The following PPP2R3B variants were observed in gnomAD, a reference collection of about 807,000 sequenced individuals.
PPP2R3B encodes protein phosphatase 2 regulatory subunit B''beta, also known as serine/threonine-protein phosphatase 2A regulatory subunit B'' subunit beta.
A neutral mutation model predicts 72.9 loss-of-function variants in PPP2R3B; 68 were observed. That is an observed-to-expected ratio of 0.93 (90% CI 0.77 to 1.14). The LOEUF (loss-of-function observed/expected upper bound fraction) is 1.14, where lower values mean the gene tolerates loss of function less well. Ranked by LOEUF, PPP2R3B falls within the 50% of genes most tolerant of loss-of-function variation. The pLI, the probability that PPP2R3B is intolerant of heterozygous loss-of-function variation, is 0.00. For synonymous variants in PPP2R3B, 466 were observed against 375.8 expected (o/e 1.24, Z -2.78); for missense variants, 1,018 against 842.0 (o/e 1.21, Z -2.59).
chrX:362,095 A>C (rs1178453967), intron 1 of PPP2R3B, among the ~76,000 whole-genome samples: 4 of 152,104 alleles, frequency 2.6e-5, no homozygotes, highest in Non-Finnish European at 4.4e-5. Context: ...GAGGCAGGGC[A>C]GGCAACCACA....
intron 2 of PPP2R3B, among the ~76,000 whole-genome samples, chrX:353,759 A>G (rs1309761350): frequency 5.3e-5 from 8 of 150,762 alleles, no homozygotes; most frequent in African/African-American, 1.7e-4. Context: ...GCTCACCCAA[A>G]GACCGGGGGC....
chrX:386,233 G>T, intron 1 of PPP2R3B, 135 bp downstream of exon 1: 2 of 568,728 alleles, frequency 3.5e-6, no homozygotes, highest in Non-Finnish European at 5.2e-6. Flanking sequence ...GGGGGGGGTC[G>T]GGGCGGGGAA....
chrX:343,985 G>C (rs375422486), intron 7 of PPP2R3B, among the ~76,000 whole-genome samples: 3,254 of 19,864 alleles, frequency 0.16, 336 homozygotes, highest in Middle Eastern at 0.3. Flanking sequence ...GGAGACCTCA[G>C]CAACGGGAGG....
At chrX:370,345 G>A (rs889131118) in intron 1 of PPP2R3B, among the ~76,000 whole-genome samples, 25 of 152,182 alleles carry the variant, frequency 1.6e-4, no homozygotes, top group African/African-American at 5.5e-4. Context: ...CTCAACGGAC[G>A]CTGAGAGACG....
chrX:346,547 G>A, intron 5 of PPP2R3B, 154 bp downstream of exon 5: 1 of 737,160 alleles, frequency 1.4e-6, no homozygotes. Context: ...CGGGCTCCCG[G>A]GCGGGTGGAG....
rs936089802 is a variant in PPP2R3B at position 338,570 on chromosome X, C to T, written c.1577+34G>A. On this transcript the variant is annotated intron_variant, in intron 12 of 12. Coordinates refer to ENST00000390665, the MANE Select transcript of PPP2R3B (RefSeq NM_013239.5). ...CCCCACTCACCCGTCCTCCCACTGA[C>T]CCGTCCCCCCACTCACCCGTCCTCC... The T allele has an allele frequency of 2.1e-6, 3 of 1,443,308 alleles. No individual in the cohort carries two copies. In the African/African-American group the frequency reaches 4.5e-5, roughly 22 times the overall value. 89.4% of individuals were successfully genotyped at this position (1,443,308 alleles called of 1,614,324 possible).
intron 8 of PPP2R3B, 129 bp from the exon 9 acceptor site, chrX:341,525 G>GCCCCCCTCCTC (rs2124595180): frequency 1.1e-6 from 1 of 883,226 alleles, no homozygotes; most frequent in African/African-American, 1.8e-5. Flanking sequence ...CCCCCCTCCT[G>GCCCCCCTCCTC]CCCCTCCTCC....
At chrX:384,443 C>T (rs147277308) in intron 1 of PPP2R3B, among the ~76,000 whole-genome samples, 1,697 of 151,794 alleles carry the variant, frequency 0.011, 29 homozygotes, top group African/African-American at 0.039. Flanking sequence ...ACTTCAGGTG[C>T]GCCACCACGC....
At chrX:358,568 G>A (rs1177667887) in intron 2 of PPP2R3B, among the ~76,000 whole-genome samples, 1 of 152,222 alleles carries the variant, frequency 6.6e-6, no homozygotes, top group South Asian at 2.1e-4. Flanking sequence ...GCTTCTCTGG[G>A]GCGTCGAAGA....
chrX:378,240 G>C (rs1160443313), intron 1 of PPP2R3B, among the ~76,000 whole-genome samples: 1 of 152,212 alleles, frequency 6.6e-6, no homozygotes, highest in African/African-American at 2.4e-5. Context: ...TCCCTCTGCT[G>C]TCGGGACACA....
chrX:384,982 CAAA>C (rs773590401), intron 1 of PPP2R3B, among the ~76,000 whole-genome samples: 113 of 63,072 alleles, frequency 1.8e-3, no homozygotes, highest in African/African-American at 6.3e-3. Flanking sequence ...GAATCTGTCT[CAAA>C]AAAAAAAAAA....
chrX:379,084 C>T (rs2072062048), intron 1 of PPP2R3B, among the ~76,000 whole-genome samples: 1 of 134,866 alleles, frequency 7.4e-6, no homozygotes, highest in Non-Finnish European at 1.6e-5. Context: ...TGTGTGTATG[C>T]ACCTACGTGT....
chrX:350,863 G>A (rs1050935750), intron 2 of PPP2R3B, among the ~76,000 whole-genome samples: 4 of 152,182 alleles, frequency 2.6e-5, no homozygotes. Context: ...GTGGGAAGAG[G>A]GCCCGTGCCC....
chrX:382,713 G>A (rs2072153050), intron 1 of PPP2R3B, among the ~76,000 whole-genome samples: 1 of 152,030 alleles, frequency 6.6e-6, no homozygotes, highest in Non-Finnish European at 1.5e-5. Flanking sequence ...AAATGGCCTC[G>A]TTTGCACAGA....
Position 340,928 on chromosome X carries a change from C to G in PPP2R3B, c.1188G>C (p.Trp396Cys), listed in dbSNP as rs1807436612. The change falls in exon 10 of 13, where the codon TGG (tryptophan) becomes TGC (cysteine). Residue 396 changes from tryptophan (W) to cysteine (C), a missense_variant. By Grantham distance (215) the Trp-to-Cys change is radical (BLOSUM62 -2). Coordinates refer to ENST00000390665, the MANE Select transcript of PPP2R3B (RefSeq NM_013239.5). The part of the protein sequence containing the change: ...DKKTPTSIEY[W>C]FRCMDLDGDG... ...CCCCGTCCAGGTCCATGCAGCGGAA[C>G]CAGTACTCGATGCTGCGGCACGGCG... 2 of 1,611,584 alleles carry G rather than the reference C, an allele frequency of 1.2e-6. No homozygotes were observed. Among genetic ancestry groups the G allele is most frequent in the Non-Finnish European group, 1.7e-6 (2 of 1,179,538 alleles).
In PPP2R3B at chrX:334,270, A is replaced by G; in HGVS notation, c.*97T>C. ...AAATAAAAGTTTATCATTCCGTACA[A>G]ACGCACTCATTTTCCACAACAGTTT... On this transcript the variant is annotated 3_prime_UTR_variant, in exon 13 of 13. Transcript: ENST00000390665. The G allele has an allele frequency of 7.7e-7, 1 of 1,307,106 alleles. No homozygotes were observed. The allele number at this position is 1,307,106 out of a possible 1,614,324, so 81.0% of individuals were successfully genotyped here.
chrX:370,210 CAA>C (rs1296792614), intron 1 of PPP2R3B, among the ~76,000 whole-genome samples: 1 of 152,192 alleles, frequency 6.6e-6, no homozygotes, highest in Non-Finnish European at 1.5e-5. Context: ...CCCTCTCTAG[CAA>C]AGAGGGAGAA....
chrX:338,640 ACCAGGATGTCGTACTCCTCGGCCG>A lies in PPP2R3B; in HGVS notation c.1517_1540del (p.Ala506_Leu513del), dbSNP rs2070960100. Reference sequence around the variant, plus strand: ...GGGCTCTCCCGCAGTCTCCTCGGCCACCAGGATGTCGTACTCCTCGGCCGCGTACTTCTCCCAGTCCGAGAGCTC... The same window carrying A: ...GGGCTCTCCCGCAGTCTCCTCGGCCACGTACTTCTCCCAGTCCGAGAGCTC... On this transcript the variant is annotated inframe_deletion, in exon 12 of 13. Coordinates refer to ENST00000390665, the MANE Select transcript of PPP2R3B (RefSeq NM_013239.5). 6.2e-7 allele frequency: 1 copy of A among 1,608,948 alleles called. No individual in the cohort carries two copies. The highest frequency in any genetic ancestry group is 1.7e-5 in the Admixed American group (1 of 59,800).
intron 1 of PPP2R3B, chrX:373,609 C>A (rs1556252049): frequency 3.4e-6 from 1 of 297,780 alleles, no homozygotes; most frequent in Non-Finnish European, 7.1e-6. Flanking sequence ...GAGGCCAGCT[C>A]CTGGCGCAGG....
Sources: gnomAD v4.1 joint callset for allele counts (sites outside exome capture counted in the v4.1 genomes callset) on GRCh38, gnomAD v4.1.1 for gene constraint, MANE v1.5 for transcripts, NCBI Gene and HGNC (gene_info 2026-07-23, HGNC 2026-07-21) for gene names.